SRCIN1: variants seen among roughly 807,000 people sequenced by gnomAD.
SRCIN1 encodes SRC kinase signaling inhibitor 1.
A neutral mutation model predicts 116.2 loss-of-function variants in SRCIN1; 50 were observed. That is an observed-to-expected ratio of 0.43 (90% confidence interval 0.34 to 0.54). The LOEUF (loss-of-function observed/expected upper bound fraction) is 0.54. SRCIN1 is among the 20% of genes least tolerant of loss of function. The pLI is 0.02. For synonymous variants in SRCIN1, 736 were observed against 750.0 expected (o/e 0.98, Z 0.30); for missense variants, 1,446 against 1,672.0 (o/e 0.86, Z 2.36).
chr17:38,533,838 T>G (rs2040962327), intron 18 of SRCIN1, among the ~76,000 whole-genome samples: 2 of 147,172 alleles, frequency 1.4e-5, no homozygotes, highest in Non-Finnish European at 3.0e-5. Context: ...GGGACGGGGG[T>G]CAGGGTGGGG....
intron 1 of SRCIN1, among the ~76,000 whole-genome samples, chr17:38,601,644 A>G (rs1327653072): frequency 8.0e-6 from 1 of 124,372 alleles, no homozygotes; most frequent in Admixed American, 8.3e-5. Flanking sequence ...ACACGCACAC[A>G]CACACACACG....
At chr17:38,590,174 C>T (rs1420012521) in intron 1 of SRCIN1, among the ~76,000 whole-genome samples, 3 of 152,172 alleles carry the variant, frequency 2.0e-5, no homozygotes, top group Non-Finnish European at 4.4e-5. Context: ...TCTTGAGTGA[C>T]GAGGGTTAAA....
intron 1 of SRCIN1, among the ~76,000 whole-genome samples, chr17:38,605,010 G>C (rs1567890520): frequency 6.6e-6 from 1 of 151,818 alleles, no homozygotes; most frequent in East Asian, 1.9e-4. Context: ...CTGGTCCCCA[G>C]TTTCTGCAAC....
chr17:38,597,753 C>T (rs1195509883), intron 1 of SRCIN1, among the ~76,000 whole-genome samples: 3 of 152,188 alleles, frequency 2.0e-5, no homozygotes, highest in Non-Finnish European at 4.4e-5. Flanking sequence ...TGGCTATCTT[C>T]CTTTTGGTGG....
intron 2 of SRCIN1, among the ~76,000 whole-genome samples, chr17:38,569,842 G>C (rs1215606163): frequency 1.3e-5 from 2 of 152,286 alleles, no homozygotes; most frequent in South Asian, 2.1e-4. Context: ...CAAGTAACAG[G>C]CTCCAGCGGC....
chr17:38,571,229 C>T (rs1304863484), intron 2 of SRCIN1, among the ~76,000 whole-genome samples: 1 of 152,222 alleles, frequency 6.6e-6, no homozygotes. Flanking sequence ...CACTCCCCTT[C>T]CAACTTCCAG....
Position 38,560,081 on chromosome 17 carries a change from A to T in SRCIN1, c.1810T>A (p.Ser604Thr). ...GCTGAGGGGGTGGCTGCTCCATTGG[A>T]GCCTTCAATCTTCTCGCTGTGGCAC... ...PETPSEKIEG[S>T]NGAATPSAPC... The change falls in exon 9 of 19, where the codon TCC becomes ACC. Residue 604 changes from serine to threonine, a missense_variant. By Grantham distance (58) the Ser-to-Thr change is moderately conservative. Around this residue, in one of 5 missense-constraint regions of SRCIN1, gnomAD observed 398 missense variants for 385.6 expected, o/e 1.03. Transcript: ENST00000617146. 1 of 1,555,356 alleles carries T rather than the reference A, an allele frequency of 6.4e-7. No individual in the cohort carries two copies. Among genetic ancestry groups the T allele is most frequent in the Non-Finnish European group, 8.7e-7 (1 of 1,149,584 alleles).
intron 18 of SRCIN1, among the ~76,000 whole-genome samples, chr17:38,540,020 CAAAAAAA>C (rs71138631): frequency 8.2e-5 from 5 of 60,986 alleles, no homozygotes; most frequent in Admixed American, 1.8e-4. Flanking sequence ...GACTCCATCT[CAAAAAAA>C]AAAAAAAAAA....
chr17:38,543,921 A>C lies in SRCIN1; in HGVS notation c.3319T>G (p.Ser1107Ala). ...TGGCCCTGGGCCGCCTTCAGCCGAG[A>C]GGCCCCCGGAGTCACCACCTTCATG... ...PPMKVVTPGA[S>A]RLKAAQGQAG... Residue 1107 changes from serine (S) to alanine (A), a missense_variant, in exon 18 of 19, where the codon TCT (serine) becomes GCT (alanine). Coordinates refer to ENST00000617146, the MANE Select transcript of SRCIN1 (RefSeq NM_025248.3). 1 of 1,600,480 alleles carries C rather than the reference A, an allele frequency of 6.2e-7. No individual in the cohort carries two copies. The highest frequency in any genetic ancestry group is 8.5e-7 in the Non-Finnish European group (1 of 1,177,614).
Position 38,585,250 on chromosome 17 carries a change from C to T in SRCIN1, c.23-6459G>A, listed in dbSNP as rs769392444. On this transcript the variant is annotated intron_variant, in intron 1 of 18. Transcript: ENST00000617146. The surrounding 1 kb of genome is among the most constrained non-coding windows in gnomAD (Gnocchi z 4.2). ...GCTGGAAGGGTGGAGGACCTGCCTGCCTTAGGCCACACCCACACACACACA... is the reference window on the plus strand; with the variant it reads ...GCTGGAAGGGTGGAGGACCTGCCTGTCTTAGGCCACACCCACACACACACA... 1.3e-5 allele frequency among the ~76,000 whole-genome samples: 2 copies of T among 152,164 alleles called. No individual in the cohort carries two copies. The highest frequency in any genetic ancestry group is 2.9e-5 in the Non-Finnish European group (2 of 68,018).
intron 18 of SRCIN1, chr17:38,542,388 G>A (rs1409093254): frequency 6.6e-6 from 1 of 152,560 alleles, no homozygotes; most frequent in Non-Finnish European, 1.5e-5. Context: ...CCCGTCACAT[G>A]GGGGTAATAG....
rs1221032522 is a variant in SRCIN1, at chr17:38,602,076, T to C, written c.22+3608A>G. On this transcript the variant is annotated intron_variant, in intron 1 of 18. Transcript: ENST00000617146. This position sits in a 1 kb window ranked among gnomAD's most constrained non-coding sequence, Gnocchi z 4.2. ...AGTGCTCTGGAGCCCAGGTATCGGG[T>C]AGAGGAACCCTGACCCCGAGGTTCT... 6.6e-6 allele frequency among the ~76,000 whole-genome samples: 1 copy of C among 151,858 alleles called. No individual in the cohort carries two copies. The highest frequency in any genetic ancestry group is 1.5e-5 in the Non-Finnish European group (1 of 67,954).
In SRCIN1 at chr17:38,551,216, G is replaced by A. The variant is rs1361597019; in HGVS notation, c.2901C>T (p.Pro967=). Residue 967 remains proline, a synonymous_variant, in exon 15 of 19, where the codon CCC becomes CCT. Transcript: ENST00000617146. ...CTGCCTTCTGGCCGTGGGGGGCCTTGGGGGGCTTGTGATCTGGAGTGGGGG... is the reference window on the plus strand; with the variant it reads ...CTGCCTTCTGGCCGTGGGGGGCCTTAGGGGGCTTGTGATCTGGAGTGGGGG... ...GPAPTPDHKP[P]KAPHGQKAAP... 1 of 1,605,728 alleles carries A rather than the reference G, an allele frequency of 6.2e-7. No individual in the cohort carries two copies. Among genetic ancestry groups the A allele is most frequent in the African/African-American group, 1.3e-5 (1 of 74,836 alleles).
At position 38,559,740 on chromosome 17, in the gene SRCIN1, T is replaced by A. The variant is rs897287266; in HGVS notation, c.1870A>T (p.Thr624Ser). ...GGCGGGGGCGGGCCGGACACCGGGGTGGCCCCGCTGCTCCGGCCGCCTGAC... is the reference window on the plus strand; with the variant it reads ...GGCGGGGGCGGGCCGGACACCGGGGAGGCCCCGCTGCTCCGGCCGCCTGAC... Reference protein sequence around the residue: ...CGSGGRSSGATPVSGPPPPSA... With the variant: ...CGSGGRSSGASPVSGPPPPSA... Residue 624 changes from threonine (T) to serine (S), a missense_variant, in exon 10 of 19, where the codon ACC (threonine) becomes TCC (serine). By Grantham distance (58) the Thr-to-Ser change is moderately conservative. Around this residue, in one of 5 missense-constraint regions of SRCIN1, gnomAD observed 398 missense variants for 385.6 expected, o/e 1.03. Coordinates refer to ENST00000617146, the MANE Select transcript of SRCIN1 (RefSeq NM_025248.3). 6.5e-7 allele frequency: 1 copy of A among 1,538,830 alleles called. No individual in the cohort carries two copies. Among genetic ancestry groups the A allele is most frequent in the South Asian group, 1.2e-5 (1 of 82,398 alleles).
At chr17:38,575,033 A>C (rs1907326104) in intron 2 of SRCIN1, 1 of 399,848 alleles carries the variant, frequency 2.5e-6, no homozygotes, top group African/African-American at 2.1e-5. Flanking sequence ...CCGCTGGGGT[A>C]CTGTGATTGG....
rs149797321 is a variant in SRCIN1, at chr17:38,552,470, C to T, written c.2457G>A (p.Thr819=). The change falls in exon 13 of 19, where the codon ACG becomes ACA. Residue 819 remains threonine, a synonymous_variant. Transcript: ENST00000617146. The surrounding 1 kb of genome is among the most constrained non-coding windows in gnomAD (Gnocchi z 5.3). The part of the protein sequence containing the change: ...DGLLKRCRGV[T]DTLAQIRRQV... ...ACCTTCGGATCTGGGCCAGCGTGTCCGTGACCCCGCGGCAGCGCTTGAGGA... is the reference window on the plus strand; with the variant it reads ...ACCTTCGGATCTGGGCCAGCGTGTCTGTGACCCCGCGGCAGCGCTTGAGGA... The T allele has an allele frequency of 1.0e-5, 16 of 1,602,302 alleles. No individual in the cohort carries two copies. Among genetic ancestry groups the T allele is most frequent in the Middle Eastern group, 3.3e-4 (2 of 6,014 alleles).
At chr17:38,583,463 G>A (rs1446798021) in intron 1 of SRCIN1, among the ~76,000 whole-genome samples, 5 of 151,904 alleles carry the variant, frequency 3.3e-5, no homozygotes, top group South Asian at 2.1e-4. Context: ...GGATGTTAAC[G>A]TCTAAACTCT....
chr17:38,555,836 G>T (rs915142053), intron 11 of SRCIN1, among the ~76,000 whole-genome samples: 1 of 152,198 alleles, frequency 6.6e-6, no homozygotes, highest in Admixed American at 6.5e-5. Context: ...GACTGGTCCA[G>T]GCTGTGCCAG....
At position 38,558,212 on chromosome 17, in the gene SRCIN1, C is replaced by T; in HGVS notation, c.2201+15G>A. The stretch of plus-strand genomic sequence containing the variant: ...CGCACCCCCACCCCTCCCTCCGCCG[C>T]GGGCCCAGCCTCACTTGAGCTGCTG... On this transcript the variant is annotated intron_variant, in intron 11 of 18. Transcript: ENST00000617146. This position sits in a 1 kb window ranked among gnomAD's most constrained non-coding sequence, Gnocchi z 4.6. The T allele has an allele frequency of 1.2e-6, 2 of 1,604,128 alleles. No homozygotes were observed. Among genetic ancestry groups the T allele is most frequent in the Non-Finnish European group, 1.7e-6 (2 of 1,173,046 alleles).
Sources: gnomAD v4.1 joint callset for allele counts (sites outside exome capture counted in the v4.1 genomes callset) on GRCh38, gnomAD v4.1.1 for gene constraint, gnomAD v4.1.1 regional missense constraint, Gnocchi (gnomAD v3.1) non-coding constraint, MANE v1.5 for transcripts, NCBI Gene and HGNC (gene_info 2026-07-23, HGNC 2026-07-21) for gene names.